The following TPD52L1 variants were observed in gnomAD, a reference collection of about 807,000 sequenced individuals.
TPD52L1 encodes the protein TPD52 like 1, also known as tumor protein D53.
A neutral mutation model predicts 28.7 loss-of-function variants in TPD52L1; 18 were observed. That is an observed-to-expected ratio of 0.63 (90% CI 0.43 to 0.93). TPD52L1 has a LOEUF of 0.93. TPD52L1 is among the 40% of genes least tolerant of loss of function. TPD52L1 has a pLI of 0.00. For missense variants in TPD52L1, 203 were observed against 254.8 expected (o/e 0.80, Z 1.39); for synonymous variants, 75 against 88.8 (o/e 0.84, Z 0.88).
chr6:125,247,819 C>A (rs1326607153), intron 3 of TPD52L1, among the ~76,000 whole-genome samples: 1 of 152,174 alleles, frequency 6.6e-6, no homozygotes, highest in African/African-American at 2.4e-5. Context: ...AGCTAAATAA[C>A]TAGCTGTGTT....
intron 1 of TPD52L1, among the ~76,000 whole-genome samples, chr6:125,197,115 C>A (rs1432989626): frequency 6.6e-6 from 1 of 152,182 alleles, no homozygotes; most frequent in Non-Finnish European, 1.5e-5. Flanking sequence ...GACTCATAAT[C>A]ATGCTTGCTG....
chr6:125,222,990 G>C (rs576258884), intron 2 of TPD52L1, among the ~76,000 whole-genome samples: 79 of 151,722 alleles, frequency 5.2e-4, no homozygotes, highest in African/African-American at 1.9e-3. Flanking sequence ...TTTGTTTTCT[G>C]CCTGTGTAAA....
intron 2 of TPD52L1, among the ~76,000 whole-genome samples, chr6:125,225,117 T>TTTGA (rs1268226095): frequency 5.3e-5 from 8 of 152,260 alleles, no homozygotes; most frequent in African/African-American, 1.9e-4. Context: ...CTTTTGTGTC[T>TTTGA]GGCTTCTTTC....
At chr6:125,221,072 T>G (rs1795200088) in intron 2 of TPD52L1, among the ~76,000 whole-genome samples, 1 of 152,176 alleles carries the variant, frequency 6.6e-6, no homozygotes, top group Non-Finnish European at 1.5e-5. Context: ...CTCTCCCCAC[T>G]TTGTCCACTC....
At chr6:125,256,527 A>G (rs1335800384) in intron 5 of TPD52L1, among the ~76,000 whole-genome samples, 3 of 152,238 alleles carry the variant, frequency 2.0e-5, no homozygotes, top group Admixed American at 6.5e-5. Context: ...CCAAAACACC[A>G]CTTCATGTAA....
chr6:125,188,405 G>C (rs1478152155), intron 1 of TPD52L1, among the ~76,000 whole-genome samples: 1 of 152,036 alleles, frequency 6.6e-6, no homozygotes, highest in Non-Finnish European at 1.5e-5. Context: ...TGAAAAGAGG[G>C]AATAGATTGG....
At chr6:125,245,105 G>C (rs760426859) in intron 3 of TPD52L1, among the ~76,000 whole-genome samples, 2 of 152,352 alleles carry the variant, frequency 1.3e-5, no homozygotes, top group East Asian at 3.9e-4. Flanking sequence ...GTGGATACCA[G>C]TACTTGCTCT....
chr6:125,208,493 C>G (rs1021530641), intron 1 of TPD52L1, among the ~76,000 whole-genome samples: 2 of 152,008 alleles, frequency 1.3e-5, no homozygotes, highest in African/African-American at 4.8e-5. Context: ...GGAGCATCAC[C>G]CTTGCAGTCT....
intron 1 of TPD52L1, among the ~76,000 whole-genome samples, chr6:125,157,016 A>C (rs1162591273): frequency 6.6e-6 from 1 of 152,206 alleles, no homozygotes; most frequent in African/African-American, 2.4e-5. Context: ...TGTTTATAGC[A>C]TATATTAAAG....
At chr6:125,198,993 T>G (rs3778458) in intron 1 of TPD52L1, among the ~76,000 whole-genome samples, 35,624 of 152,196 alleles carry the variant, frequency 0.23, 5,189 homozygotes, top group Admixed American at 0.38. Flanking sequence ...TTAGCTGATT[T>G]CCTTCATCCT....
At chr6:125,189,540 A>T (rs1792890263) in intron 1 of TPD52L1, among the ~76,000 whole-genome samples, 1 of 152,218 alleles carries the variant, frequency 6.6e-6, no homozygotes, top group Non-Finnish European at 1.5e-5. Flanking sequence ...ATTTTTAGAT[A>T]TTCACTAGGA....
intron 1 of TPD52L1, among the ~76,000 whole-genome samples, chr6:125,208,529 C>CT (rs370435480): frequency 0.019 from 2,840 of 148,078 alleles, 76 homozygotes; most frequent in African/African-American, 0.052. Flanking sequence ...CAACTAATGC[C>CT]TTTTTTTTTT....
Position 125,206,962 on chromosome 6 carries a change from G to A in TPD52L1, c.20-13116G>A, listed in dbSNP as rs145195560. On this transcript the variant is annotated intron_variant, in intron 1 of 6. Coordinates refer to ENST00000534000, the MANE Select transcript of TPD52L1 (RefSeq NM_003287.4). ...TCTGGTAGTTTGCTCAGTGAAGGAA[G>A]TTCCTGGAGTCAATGCATCAAGAAC... Among the ~76,000 whole-genome samples, 429 of 152,288 alleles carry A rather than the reference G, an allele frequency of 2.8e-3. 4 individuals carry two copies. Among genetic ancestry groups the A allele is most frequent in the South Asian group, 0.016 (77 of 4,820 alleles).
At chr6:125,190,626 G>A (rs115404639) in intron 1 of TPD52L1, among the ~76,000 whole-genome samples, 368 of 152,242 alleles carry the variant, frequency 2.4e-3, no homozygotes, top group African/African-American at 8.5e-3. Flanking sequence ...TAGTCAGTGG[G>A]AGTCCTGAGC....
At chr6:125,202,353 C>G (rs921092515) in intron 1 of TPD52L1, among the ~76,000 whole-genome samples, 2 of 152,108 alleles carry the variant, frequency 1.3e-5, no homozygotes, top group African/African-American at 4.8e-5. Flanking sequence ...GATCAGTGAG[C>G]CTTTAAGGAA....
intron 1 of TPD52L1, among the ~76,000 whole-genome samples, chr6:125,216,804 G>A (rs1478661701): frequency 3.3e-5 from 5 of 152,006 alleles, no homozygotes; most frequent in East Asian, 1.9e-4. Context: ...AATATGCCAC[G>A]TTTACTAATG....
intron 1 of TPD52L1, among the ~76,000 whole-genome samples, chr6:125,163,843 G>A (rs1790691523): frequency 6.6e-6 from 1 of 150,560 alleles, no homozygotes; most frequent in Admixed American, 6.6e-5. Flanking sequence ...CTTGAACTTG[G>A]GAGGCAGAAG....
At chr6:125,222,888 G>T (rs1795341353) in intron 2 of TPD52L1, among the ~76,000 whole-genome samples, 3 of 151,952 alleles carry the variant, frequency 2.0e-5, no homozygotes. Context: ...TTTTAAACTG[G>T]AAAAGAAAAA....
chr6:125,154,389 T>G (rs542007911), intron 1 of TPD52L1: 2 of 996,904 alleles, frequency 2.0e-6, no homozygotes, highest in African/African-American at 3.5e-5. Context: ...TCGCGGCTTG[T>G]GGCTCCCAAG....
Sources: gnomAD v4.1 joint callset for allele counts (sites outside exome capture counted in the v4.1 genomes callset) on GRCh38, gnomAD v4.1.1 for gene constraint, MANE v1.5 for transcripts, NCBI Gene and HGNC (gene_info 2026-07-23, HGNC 2026-07-21) for gene names.